The following PCDHA3 variants were observed in gnomAD, a reference collection of about 807,000 sequenced individuals.
PCDHA3 encodes the protein protocadherin alpha-3.
A neutral mutation model predicts 62.2 loss-of-function variants in PCDHA3; 41 were observed. The observed-to-expected ratio is 0.66, with a 90% CI of 0.51 to 0.86. The LOEUF (loss-of-function observed/expected upper bound fraction) is 0.86, where lower values mean the gene tolerates loss of function less well. Ranked by LOEUF, PCDHA3 falls within the 40% of genes least tolerant of loss-of-function variation. PCDHA3 has a pLI of 0.00. For missense variants in PCDHA3, 1,304 were observed against 1,241.2 expected (o/e 1.05, Z -0.76); for synonymous variants, 640 against 555.4 (o/e 1.15, Z -2.14).
rs782513442 is a variant in PCDHA3 at position 140,877,300 on chromosome 5, G to C, written c.2394+73709G>C. 7 of 1,613,828 alleles carry C rather than the reference G, an allele frequency of 4.3e-6. No homozygotes were observed. The South Asian group carries it at 4.4e-5, about 10-fold the overall frequency. Reference sequence around the variant, plus strand: ...CGGCTATAACGCTTGGCTGTCCTACGAGTTGCAACCGGCGGCGGTCGGCGC... The same window carrying C: ...CGGCTATAACGCTTGGCTGTCCTACCAGTTGCAACCGGCGGCGGTCGGCGC... On this transcript the variant is annotated intron_variant, in intron 1 of 3. Transcript: ENST00000522353.
At chr5:140,807,790 C>G in intron 1 of PCDHA3, 1 of 1,614,150 alleles carries the variant, frequency 6.2e-7, no homozygotes, top group Non-Finnish European at 8.5e-7. Flanking sequence ...AATCTTTAGA[C>G]AGAGAAGAAG....
intron 1 of PCDHA3, among the ~76,000 whole-genome samples, chr5:140,878,693 C>T (rs932928385): frequency 6.6e-6 from 1 of 152,136 alleles, no homozygotes; most frequent in South Asian, 2.1e-4. Context: ...TCTTACATAC[C>T]CCAGCCTGGT....
chr5:140,834,810 G>C (rs2150227216), intron 1 of PCDHA3: 6 of 1,612,624 alleles, frequency 3.7e-6, no homozygotes, highest in South Asian at 1.1e-5. Flanking sequence ...TCTGTTCATC[G>C]CGGAATCCAG....
intron 1 of PCDHA3, among the ~76,000 whole-genome samples, chr5:140,952,265 G>A (rs1292970434): frequency 6.6e-6 from 1 of 151,556 alleles, no homozygotes; most frequent in African/African-American, 2.4e-5. Context: ...CCCATTCTGG[G>A]GTCTTGAGGG....
At chr5:140,809,514 T>C (rs1554125265) in intron 1 of PCDHA3, 2 of 1,614,210 alleles carry the variant, frequency 1.2e-6, no homozygotes. Flanking sequence ...AGCCCCAGTT[T>C]ACCTGACTCT....
At chr5:140,903,675 A>G (rs1554191078) in intron 1 of PCDHA3, among the ~76,000 whole-genome samples, 2 of 152,244 alleles carry the variant, frequency 1.3e-5, no homozygotes, top group Non-Finnish European at 2.9e-5. Flanking sequence ...GATATAAAAG[A>G]TGTTTGGTAA....
At position 141,010,550 on chromosome 5, in the gene PCDHA3, ACCCC is replaced by A; in HGVS notation, c.*615_*618del. 6.3e-6 allele frequency: 2 copies of A among 316,712 alleles called. No homozygotes were observed. Among genetic ancestry groups the A allele is most frequent in the South Asian group, 1.1e-4 (2 of 17,516 alleles). The allele number at this position is 316,712 out of a possible 1,614,324, so 19.6% of individuals were successfully genotyped here. A position where few individuals can be genotyped will look rare whatever the true frequency, so the allele number is the denominator to read the frequency against. On this transcript the variant is annotated 3_prime_UTR_variant, in exon 4 of 4. Coordinates refer to ENST00000522353, the MANE Select transcript of PCDHA3 (RefSeq NM_018906.3). ...CAGCCACCCTCTAGGAGACAAAACT[ACCCC>A]CACTGACAAGGCTTTAGGAGACCCT...
chr5:140,883,356 C>A, intron 1 of PCDHA3: 1 of 1,614,190 alleles, frequency 6.2e-7, no homozygotes, highest in Non-Finnish European at 8.5e-7. Flanking sequence ...AGAGAAGACA[C>A]TCAGCCTAGC....
intron 1 of PCDHA3, chr5:140,865,372 A>G (rs2048845131): frequency 6.6e-6 from 1 of 152,208 alleles, no homozygotes; most frequent in Non-Finnish European, 1.5e-5. Flanking sequence ...TAACCATGTT[A>G]TAGGTAGGGT....
At chr5:140,834,245 T>C in intron 1 of PCDHA3, 2 of 872,198 alleles carry the variant, frequency 2.3e-6, no homozygotes, top group Non-Finnish European at 3.5e-6. Flanking sequence ...CTTTTCGCAC[T>C]GGAAAGACGC....
In PCDHA3 at chr5:140,838,535, A is replaced by G. The variant is rs1417451596; in HGVS notation, c.2394+34944A>G. On this transcript the variant is annotated intron_variant, in intron 1 of 3. Transcript: ENST00000522353. ...ATTTGCATCTTATTTTCTTTTATGG[A>G]TATATCATGATTTATTCATCCAGTA... 2.0e-5 allele frequency among the ~76,000 whole-genome samples: 3 copies of G among 151,550 alleles called. No homozygotes were observed. The East Asian group carries it at 5.8e-4, about 29-fold the overall frequency.
chr5:140,850,663 G>C (rs2150492641), intron 1 of PCDHA3: 11 of 1,598,502 alleles, frequency 6.9e-6, no homozygotes, highest in African/African-American at 1.3e-5. Context: ...GTGCTGCGGT[G>C]CTCGGCGATG....
chr5:140,926,682 C>T, intron 1 of PCDHA3: 1 of 656,722 alleles, frequency 1.5e-6, no homozygotes, highest in Non-Finnish European at 2.3e-6. Context: ...CAGCCTCCAG[C>T]CTAGCAAGCC....
intron 1 of PCDHA3, chr5:140,883,199 G>A (rs782445481): frequency 6.2e-7 from 1 of 1,613,862 alleles, no homozygotes; most frequent in Non-Finnish European, 8.5e-7. Context: ...ACTAGATTTC[G>A]AAGAAAAGAA....
At chr5:140,907,647 G>A (rs1336039908) in intron 1 of PCDHA3, among the ~76,000 whole-genome samples, 1 of 152,192 alleles carries the variant, frequency 6.6e-6, no homozygotes, top group East Asian at 1.9e-4. Flanking sequence ...CTGGCAAATT[G>A]GGCACTCAGC....
chr5:140,848,554 T>G (rs1554142197), intron 1 of PCDHA3: 4 of 1,595,574 alleles, frequency 2.5e-6, no homozygotes, highest in Admixed American at 3.4e-5. Flanking sequence ...TCGCTTCTGA[T>G]CCTCGCAATG....
intron 1 of PCDHA3, chr5:140,876,193 G>A: frequency 6.2e-7 from 1 of 1,613,950 alleles, no homozygotes; most frequent in Non-Finnish European, 8.5e-7. Flanking sequence ...CAATGGTCCG[G>A]CGTTTGATAA....
rs546789240 is a variant in PCDHA3 at position 140,938,168 on chromosome 5, G to A, written c.2395-40781G>A. Among the ~76,000 whole-genome samples, 6 of 152,184 alleles carry A rather than the reference G, an allele frequency of 3.9e-5. No homozygotes were observed. The South Asian group carries it at 1.2e-3, about 32-fold the overall frequency. Reference sequence around the variant, plus strand: ...ACTACATTGCCCAGGCTAGTCTGGAGCTCCTGGGCTCAAGCAATCCTCCCA... The same window carrying A: ...ACTACATTGCCCAGGCTAGTCTGGAACTCCTGGGCTCAAGCAATCCTCCCA... On this transcript the variant is annotated intron_variant, in intron 1 of 3. Coordinates refer to ENST00000522353, the MANE Select transcript of PCDHA3 (RefSeq NM_018906.3).
rs142945176 is a variant in PCDHA3 at position 140,835,679 on chromosome 5, G to T, written c.2394+32088G>T. 2.3e-4 allele frequency: 379 copies of T among 1,613,738 alleles called. 3 individuals are homozygous for T. Among genetic ancestry groups the T allele is most frequent in the Non-Finnish European group, 3.0e-4 (359 of 1,179,882 alleles). On this transcript the variant is annotated intron_variant, in intron 1 of 3. Transcript: ENST00000522353. ...TGGTTACCGCGCGGGACGGGGGCTC[G>T]CCTTCTCTGTGGGCCACTGCTAGCG...
Sources: allele counts gnomAD v4.1 joint callset (sites outside exome capture counted in the v4.1 genomes callset), GRCh38; gene constraint gnomAD v4.1.1; transcripts MANE v1.5; gene names NCBI Gene and HGNC (gene_info 2026-07-23, HGNC 2026-07-21).